Variants in TJP1 observed in about 807,000 individuals in gnomAD.
TJP1 encodes the protein tight junction protein 1.
In TJP1, 43 loss-of-function variants were observed where a neutral mutation model predicts 194.2. That is an observed-to-expected ratio of 0.22 (90% CI 0.17 to 0.29). The LOEUF (loss-of-function observed/expected upper bound fraction) is 0.29. TJP1 is among the 10% of genes least tolerant of loss of function. The pLI, the probability that TJP1 is intolerant of heterozygous loss-of-function variation, is 1.00. For synonymous variants in TJP1, 801 were observed against 779.0 expected (o/e 1.03, Z -0.47); for missense variants, 1,971 against 2,185.7 (o/e 0.90, Z 1.96).
At chr15:29,733,036 A>C (rs991609261) in intron 13 of TJP1, 58 bp downstream of exon 13, 3 of 1,554,004 alleles carry the variant, frequency 1.9e-6, no homozygotes, top group African/African-American at 2.7e-5. Context: ...AGTGGGATTG[A>C]AATGATCTAT....
intron 2 of TJP1, among the ~76,000 whole-genome samples, chr15:29,907,009 T>C (rs1473498613): frequency 1.3e-5 from 2 of 152,174 alleles, no homozygotes; most frequent in Non-Finnish European, 1.5e-5. Context: ...GGTAGCAAAA[T>C]ATTATCTAAC....
intron 2 of TJP1, among the ~76,000 whole-genome samples, chr15:29,922,330 T>A (rs1420887756): frequency 2.6e-5 from 4 of 152,154 alleles, no homozygotes; most frequent in African/African-American, 9.7e-5. Context: ...AGAAAATTTT[T>A]AATCTGTTTT....
chr15:29,719,052 C>T lies in TJP1; in HGVS notation c.3090G>A (p.Arg1030=). The change falls in exon 21 of 28, where the codon AGG becomes AGA. Residue 1030 remains arginine, a synonymous_variant. Transcript: ENST00000614355. ...AGGTCAGATTAGGCTCTTTGTCTGG[C>T]CTGTGCCCTGGGTGACTAACGGCTG... ...KQPAVSHPGH[R]PDKEPNLTYE... 6.2e-7 allele frequency: 1 copy of T among 1,614,130 alleles called. No homozygotes were observed.
At chr15:29,702,354 A>G (rs1407889356) in intron 27 of TJP1, among the ~76,000 whole-genome samples, 2 of 152,184 alleles carry the variant, frequency 1.3e-5, no homozygotes, top group African/African-American at 4.8e-5. Context: ...ACTGGGTGTT[A>G]GTTAGGTCTC....
intron 2 of TJP1, among the ~76,000 whole-genome samples, chr15:29,879,633 C>A (rs1291380273): frequency 2.6e-5 from 4 of 152,208 alleles, no homozygotes; most frequent in Admixed American, 6.5e-5. Flanking sequence ...CAGTCACACT[C>A]CTCTGGCCAC....
At chr15:29,871,223 G>A (rs1454214900) in intron 2 of TJP1, among the ~76,000 whole-genome samples, 2 of 152,180 alleles carry the variant, frequency 1.3e-5, no homozygotes, top group Non-Finnish European at 2.9e-5. Flanking sequence ...TCCTAAAAAC[G>A]TATGCAAAGC....
intron 4 of TJP1, among the ~76,000 whole-genome samples, chr15:29,770,758 T>C (rs1241425158): frequency 6.6e-6 from 1 of 151,926 alleles, no homozygotes. Context: ...GTGTTTGTTA[T>C]TACGAGAGTC....
At chr15:29,921,905 C>T (rs1483435796) in intron 2 of TJP1, among the ~76,000 whole-genome samples, 1 of 149,976 alleles carries the variant, frequency 6.7e-6, no homozygotes, top group African/African-American at 2.5e-5. Context: ...AGTACAATGG[C>T]GCGATCTCGG....
At chr15:29,917,064 A>C (rs1464064564) in intron 2 of TJP1, among the ~76,000 whole-genome samples, 1 of 152,198 alleles carries the variant, frequency 6.6e-6, no homozygotes, top group Non-Finnish European at 1.5e-5. Flanking sequence ...TAAAGTATTC[A>C]TTATTGTTGT....
chr15:29,749,039 A>T (rs1204229768), intron 8 of TJP1, among the ~76,000 whole-genome samples: 1 of 151,926 alleles, frequency 6.6e-6, no homozygotes, highest in Non-Finnish European at 1.5e-5. Context: ...ATGTTTACGT[A>T]TTCCAGCTCC....
intron 2 of TJP1, among the ~76,000 whole-genome samples, chr15:29,914,474 C>A (rs1009119813): frequency 2.0e-5 from 3 of 152,040 alleles, no homozygotes; most frequent in Admixed American, 6.6e-5. Flanking sequence ...GTATTCATAG[C>A]CAGATACTAT....
intron 8 of TJP1, among the ~76,000 whole-genome samples, chr15:29,754,379 G>A (rs2045508053): frequency 6.6e-6 from 1 of 152,084 alleles, no homozygotes; most frequent in Non-Finnish European, 1.5e-5. Flanking sequence ...AGGGGGGAGG[G>A]TAGGAGGAGG....
At chr15:29,877,390 T>C (rs2052741425) in intron 2 of TJP1, among the ~76,000 whole-genome samples, 2 of 152,174 alleles carry the variant, frequency 1.3e-5, no homozygotes, top group African/African-American at 4.8e-5. Context: ...GTAATTTTTG[T>C]ATTTTTCATA....
intron 2 of TJP1, among the ~76,000 whole-genome samples, chr15:29,904,363 G>A (rs1384764823): frequency 6.6e-6 from 1 of 152,130 alleles, no homozygotes; most frequent in Non-Finnish European, 1.5e-5. Flanking sequence ...AGCAGGCAGT[G>A]AGAAGTTATC....
chr15:29,705,449 C>T, intron 26 of TJP1, 79 bp downstream of exon 26: 1 of 1,406,218 alleles, frequency 7.1e-7, no homozygotes, highest in Non-Finnish European at 9.8e-7. Flanking sequence ...GCATTATTAG[C>T]CAAGCACTAT....
intron 2 of TJP1, among the ~76,000 whole-genome samples, chr15:29,929,168 TA>T (rs1220795596): frequency 1.3e-5 from 2 of 148,826 alleles, no homozygotes; most frequent in African/African-American, 5.0e-5. Flanking sequence ...TTAAACCCAA[TA>T]AAATCAGAAA....
chr15:29,878,417 T>G (rs926477682), intron 2 of TJP1, among the ~76,000 whole-genome samples: 10 of 152,212 alleles, frequency 6.6e-5, no homozygotes, highest in Admixed American at 2.0e-4. Context: ...CTTGATCTCC[T>G]TGAGTAGCCT....
intron 2 of TJP1, among the ~76,000 whole-genome samples, chr15:29,954,795 T>A (rs2055876580): frequency 6.6e-6 from 1 of 151,990 alleles, no homozygotes; most frequent in Non-Finnish European, 1.5e-5. Flanking sequence ...AAAAATAGAG[T>A]ATTGGCCGGG....
At chr15:29,764,208 CTAGG>C (rs1348370978) in intron 5 of TJP1, among the ~76,000 whole-genome samples, 1 of 152,094 alleles carries the variant, frequency 6.6e-6, no homozygotes, top group Non-Finnish European at 1.5e-5. Flanking sequence ...TCTTCACTTA[CTAGG>C]GGGAAGGAGA....
Sources: allele counts gnomAD v4.1 joint callset (sites outside exome capture counted in the v4.1 genomes callset), GRCh38; gene constraint gnomAD v4.1.1; transcripts MANE v1.5; gene names NCBI Gene and HGNC (gene_info 2026-07-23, HGNC 2026-07-21).